Variants in TSGA10 observed in about 807,000 individuals in gnomAD.
TSGA10 encodes the protein testis-specific gene 10 protein.
In TSGA10, 43 loss-of-function variants were observed where a neutral mutation model predicts 96.6. The observed-to-expected ratio is 0.44, with a 90% CI of 0.35 to 0.57. The LOEUF (loss-of-function observed/expected upper bound fraction) is 0.57. TSGA10 is among the 20% of genes least tolerant of loss of function. The pLI is 0.01. For missense variants in TSGA10, 703 were observed against 834.4 expected (o/e 0.84, Z 1.94); for synonymous variants, 229 against 269.9 (o/e 0.85, Z 1.48).
chr2:99,134,792 TTGA>T (rs1430095214), intron 1 of TSGA10, among the ~76,000 whole-genome samples: 1 of 152,200 alleles, frequency 6.6e-6, no homozygotes, highest in Admixed American at 6.5e-5. Context: ...GTCATTTTTG[TTGA>T]TATTGATGCT....
intron 7 of TSGA10, among the ~76,000 whole-genome samples, chr2:99,108,180 T>A (rs550964264): frequency 6.6e-6 from 1 of 152,292 alleles, no homozygotes; most frequent in East Asian, 1.9e-4. Context: ...AAATACAATA[T>A]ACTTTATCTC....
intron 16 of TSGA10, among the ~76,000 whole-genome samples, chr2:99,039,656 G>A (rs1159064107): frequency 6.6e-6 from 1 of 151,998 alleles, no homozygotes; most frequent in Non-Finnish European, 1.5e-5. Context: ...ATGAAGAAAA[G>A]TCCAGGACCA....
intron 1 of TSGA10, among the ~76,000 whole-genome samples, chr2:99,132,514 T>C (rs1201313561): frequency 6.6e-6 from 1 of 151,124 alleles, no homozygotes; most frequent in Non-Finnish European, 1.5e-5. Context: ...TGATTCTTAT[T>C]AGTCTGGCTA....
intron 1 of TSGA10, chr2:99,141,190 C>T (rs1230865861): frequency 2.5e-5 from 30 of 1,191,166 alleles, no homozygotes; most frequent in Non-Finnish European, 3.1e-5. Flanking sequence ...GAACCGCCCA[C>T]TCTCCATCCT....
At chr2:99,049,048 T>C (rs1458992699) in intron 16 of TSGA10, among the ~76,000 whole-genome samples, 1 of 152,120 alleles carries the variant, frequency 6.6e-6, no homozygotes, top group African/African-American at 2.4e-5. Context: ...TCACACTAGC[T>C]AGAATGGTGA....
chr2:99,092,750 A>G (rs1239316312), intron 10 of TSGA10, among the ~76,000 whole-genome samples: 1 of 152,168 alleles, frequency 6.6e-6, no homozygotes, highest in Non-Finnish European at 1.5e-5. Flanking sequence ...GAACTGACCA[A>G]TAACAGGGGG....
intron 1 of TSGA10, among the ~76,000 whole-genome samples, chr2:99,149,868 C>G (rs1452763840): frequency 1.4e-5 from 2 of 147,274 alleles, no homozygotes. Flanking sequence ...TATTGGCTCA[C>G]TGCAACCTCC....
At chr2:99,113,639 G>A (rs922693239) in intron 4 of TSGA10, among the ~76,000 whole-genome samples, 2 of 152,190 alleles carry the variant, frequency 1.3e-5, no homozygotes, top group South Asian at 2.1e-4. Context: ...TCTGCCTCCC[G>A]GGATCAAGCA....
chr2:99,087,398 T>TG (rs1242575179), intron 10 of TSGA10, among the ~76,000 whole-genome samples: 2 of 141,234 alleles, frequency 1.4e-5, no homozygotes, highest in East Asian at 4.3e-4. Flanking sequence ...CCCAGCTACT[T>TG]GGGGGGCTGA....
At chr2:99,054,038 C>A (rs868085448) in intron 16 of TSGA10, among the ~76,000 whole-genome samples, 4 of 152,044 alleles carry the variant, frequency 2.6e-5, no homozygotes, top group Non-Finnish European at 4.4e-5. Context: ...TCCTAAAATT[C>A]ATATGGAACC....
chr2:99,118,989 A>G (rs2092432347), intron 2 of TSGA10, among the ~76,000 whole-genome samples: 1 of 152,058 alleles, frequency 6.6e-6, no homozygotes, highest in Non-Finnish European at 1.5e-5. Flanking sequence ...AACAACAGCA[A>G]CAAAAAAAAA....
intron 16 of TSGA10, among the ~76,000 whole-genome samples, chr2:99,039,178 T>A: frequency 6.6e-6 from 1 of 151,230 alleles, no homozygotes. Context: ...AATGCCTAAA[T>A]CAAAAAGTCT....
chr2:99,000,874 G>A (rs1368955062), intron 20 of TSGA10, among the ~76,000 whole-genome samples: 1 of 152,162 alleles, frequency 6.6e-6, no homozygotes, highest in African/African-American at 2.4e-5. Flanking sequence ...CTTACTGCTA[G>A]CACAGCAGTC....
In TSGA10 at chr2:99,031,159, A is replaced by C. The variant is rs140632536; in HGVS notation, c.1614+4071T>G. Among the ~76,000 whole-genome samples the C allele has an allele frequency of 7.8e-3, 1,186 of 152,142 alleles. 12 individuals are homozygous for C. The highest frequency in any genetic ancestry group is 0.022 in the South Asian group (108 of 4,830). ...GATACATAGGTAAATGTAAAAGAAT[A>C]GAAAACCAAGAAATAGACCCACACA... On this transcript the variant is annotated intron_variant, in intron 17 of 20. Transcript: ENST00000393483.
At chr2:99,138,909 G>A (rs115898075) in intron 1 of TSGA10, among the ~76,000 whole-genome samples, 1 of 152,108 alleles carries the variant, frequency 6.6e-6, no homozygotes, top group Non-Finnish European at 1.5e-5. Flanking sequence ...AGACAGCTGA[G>A]GTAATAAGAG....
chr2:99,074,642 G>A (rs958603367), intron 12 of TSGA10, among the ~76,000 whole-genome samples: 1 of 152,066 alleles, frequency 6.6e-6, no homozygotes, highest in Non-Finnish European at 1.5e-5. Flanking sequence ...ATTCTGAAAA[G>A]CTAGTTGAAC....
At position 99,102,652 on chromosome 2, in the gene TSGA10, A is replaced by T. The variant is rs1477122985; in HGVS notation, c.611+1315T>A. 1.9e-6 allele frequency: 3 copies of T among 1,613,964 alleles called. No individual in the cohort carries two copies. The African/African-American group carries it at 4.0e-5, about 22-fold the overall frequency. The stretch of plus-strand genomic sequence containing the variant: ...CCTGAACTGCTTGAGTCAGCTGACA[A>T]ATTCTATGGTGTAAAGTTCAGAAAT... On this transcript the variant is annotated intron_variant, in intron 10 of 20. Transcript: ENST00000393483.
intron 1 of TSGA10, among the ~76,000 whole-genome samples, chr2:99,140,173 A>T (rs1484588576): frequency 6.6e-6 from 1 of 152,232 alleles, no homozygotes; most frequent in Admixed American, 6.5e-5. Context: ...GTACCGTCCT[A>T]GTTATTTCCC....
At chr2:99,029,794 G>A (rs545068764) in intron 17 of TSGA10, among the ~76,000 whole-genome samples, 3 of 152,314 alleles carry the variant, frequency 2.0e-5, no homozygotes, top group East Asian at 3.9e-4. Context: ...CACTAGTGGT[G>A]AAACACTGAA....
Sources: gnomAD v4.1 joint callset for allele counts (sites outside exome capture counted in the v4.1 genomes callset) on GRCh38, gnomAD v4.1.1 for gene constraint, MANE v1.5 for transcripts, NCBI Gene and HGNC (gene_info 2026-07-23, HGNC 2026-07-21) for gene names.